The following FMNL2 variants were observed in gnomAD, a reference collection of about 807,000 sequenced individuals.
FMNL2 encodes formin-like protein 2.
FMNL2 carries 51 observed loss-of-function variants against 130.2 expected under a neutral mutation model. The observed-to-expected ratio is 0.39, with a 90% CI of 0.31 to 0.49. The LOEUF (loss-of-function observed/expected upper bound fraction) is 0.49, where lower values mean the gene tolerates loss of function less well. Ranked by LOEUF, FMNL2 falls within the 20% of genes least tolerant of loss-of-function variation. The pLI is 0.85. For synonymous variants in FMNL2, 465 were observed against 467.1 expected (o/e 1.00, Z 0.06); for missense variants, 977 against 1,316.2 (o/e 0.74, Z 3.99).
chr2:152,603,817 GTGTT>G (rs748480865), intron 9 of FMNL2, among the ~76,000 whole-genome samples: 6 of 151,018 alleles, frequency 4.0e-5, no homozygotes, highest in Non-Finnish European at 8.8e-5. Context: ...TATAGTAACT[GTGTT>G]TGTGTTGCTC....
Position 152,442,990 on chromosome 2 carries a change from G to C in FMNL2, c.118-78953G>C, listed in dbSNP as rs553948251. ...GGATCGCTCGGGCCGCAGCAGGAAT[G>C]AATGGGCATTTGTGGGTGGTTGGGC... On this transcript the variant is annotated intron_variant, in intron 1 of 25. Coordinates refer to ENST00000288670, the MANE Select transcript of FMNL2 (RefSeq NM_052905.4). Among the ~76,000 whole-genome samples the C allele has an allele frequency of 5.3e-5, 8 of 152,330 alleles. No homozygotes were observed. In the South Asian group the frequency reaches 1.0e-3, roughly 20 times the overall value.
At chr2:152,504,123 G>A (rs1344810710) in intron 1 of FMNL2, among the ~76,000 whole-genome samples, 3 of 152,196 alleles carry the variant, frequency 2.0e-5, no homozygotes, top group African/African-American at 4.8e-5. Context: ...CATGGGAGGC[G>A]GAGGTTGCAG....
chr2:152,593,238 AAAAC>A (rs369690552), intron 9 of FMNL2, among the ~76,000 whole-genome samples: 4,605 of 152,132 alleles, frequency 0.03, 114 homozygotes, highest in African/African-American at 0.068. Context: ...ACCTGTGATT[AAAAC>A]AAACAAACAA....
chr2:152,373,624 G>A (rs373603569), intron 1 of FMNL2, among the ~76,000 whole-genome samples: 1 of 151,970 alleles, frequency 6.6e-6, no homozygotes, highest in African/African-American at 2.4e-5. Flanking sequence ...AATTCCTAAC[G>A]CAATGTCTAC....
At chr2:152,558,490 C>A (rs1265649609) in intron 4 of FMNL2, among the ~76,000 whole-genome samples, 1 of 152,166 alleles carries the variant, frequency 6.6e-6, no homozygotes, top group Non-Finnish European at 1.5e-5. Flanking sequence ...ATCCTCTAAG[C>A]AGTAAAATGC....
chr2:152,467,567 T>A (rs908920036), intron 1 of FMNL2, among the ~76,000 whole-genome samples: 1 of 152,182 alleles, frequency 6.6e-6, no homozygotes, highest in Non-Finnish European at 1.5e-5. Context: ...CGCTGCATCT[T>A]TTGATGCCGT....
chr2:152,455,363 A>T (rs1325970565), intron 1 of FMNL2, among the ~76,000 whole-genome samples: 1 of 152,236 alleles, frequency 6.6e-6, no homozygotes, highest in Non-Finnish European at 1.5e-5. Context: ...GGGAAGGATG[A>T]TGTGAACGAA....
intron 1 of FMNL2, among the ~76,000 whole-genome samples, chr2:152,420,828 GA>G (rs1318725397): frequency 4.6e-5 from 7 of 152,134 alleles, no homozygotes; most frequent in African/African-American, 1.7e-4. Context: ...CCTACTGGTG[GA>G]AAAACCTTGA....
At chr2:152,645,383 A>T in intron 25 of FMNL2, 2 of 1,086,428 alleles carry the variant, frequency 1.8e-6, no homozygotes, top group Non-Finnish European at 2.5e-6. Flanking sequence ...TTCCATTTTC[A>T]TCCCATTTTT....
intron 1 of FMNL2, among the ~76,000 whole-genome samples, chr2:152,476,200 A>C (rs550408411): frequency 1.3e-5 from 2 of 152,360 alleles, no homozygotes; most frequent in East Asian, 3.9e-4. Flanking sequence ...TGGCATCAAA[A>C]TGCACCAAGA....
intron 7 of FMNL2, among the ~76,000 whole-genome samples, chr2:152,577,786 G>A (rs1490063252): frequency 2.0e-5 from 3 of 152,144 alleles, no homozygotes; most frequent in African/African-American, 7.2e-5. Context: ...TCATTGGGAT[G>A]GTGGGGGTGA....
intron 2 of FMNL2, among the ~76,000 whole-genome samples, chr2:152,527,369 G>C (rs531936627): frequency 1.3e-5 from 2 of 152,172 alleles, no homozygotes; most frequent in African/African-American, 4.8e-5. Context: ...CCATATATAC[G>C]TCCAGTTACC....
At chr2:152,564,164 T>C (rs1025915064) in intron 6 of FMNL2, among the ~76,000 whole-genome samples, 4 of 152,284 alleles carry the variant, frequency 2.6e-5, no homozygotes, top group African/African-American at 9.6e-5. Flanking sequence ...CAGGTTGTTT[T>C]TTTTTTTGAA....
chr2:152,475,804 T>C (rs1416754741), intron 1 of FMNL2, among the ~76,000 whole-genome samples: 2 of 152,172 alleles, frequency 1.3e-5, no homozygotes, highest in Admixed American at 6.5e-5. Context: ...TGGCCAAGAA[T>C]AGATTTTTAA....
chr2:152,390,451 C>A, intron 1 of FMNL2: 1 of 1,338,032 alleles, frequency 7.5e-7, no homozygotes, highest in Non-Finnish European at 1.1e-6. Context: ...ATGATTAACC[C>A]TGAGAATTCC....
intron 15 of FMNL2, chr2:152,622,603 C>G (rs1681428501): frequency 6.6e-6 from 3 of 456,426 alleles, no homozygotes; most frequent in African/African-American, 4.0e-5. Flanking sequence ...CCATGTGTTT[C>G]TGTTGGTCAC....
rs1254460565 is a variant in FMNL2, at chr2:152,452,974, T to A, written c.118-68969T>A. 2.0e-5 allele frequency among the ~76,000 whole-genome samples: 3 copies of A among 152,078 alleles called. No individual in the cohort carries two copies. In the East Asian group the frequency reaches 5.8e-4, roughly 29 times the overall value. On this transcript the variant is annotated intron_variant, in intron 1 of 25. Coordinates refer to ENST00000288670, the MANE Select transcript of FMNL2 (RefSeq NM_052905.4). ...ATCCCAGCACTTTGGGAGGCCAAGG[T>A]GGGTGGATCACGAGGTCAGGAGTTC... is the stretch of plus-strand genomic sequence containing the variant.
intron 2 of FMNL2, among the ~76,000 whole-genome samples, chr2:152,542,499 G>A (rs1051824092): frequency 6.6e-6 from 1 of 152,180 alleles, no homozygotes; most frequent in African/African-American, 2.4e-5. Flanking sequence ...ACATGTACAT[G>A]TGACCAGCAG....
chr2:152,557,496 C>T (rs1695291281), intron 4 of FMNL2, among the ~76,000 whole-genome samples: 1 of 152,134 alleles, frequency 6.6e-6, no homozygotes, highest in Non-Finnish European at 1.5e-5. Context: ...ACCTGCAGAC[C>T]TGGGCTGGGT....
Sources: allele counts gnomAD v4.1 joint callset (sites outside exome capture counted in the v4.1 genomes callset), GRCh38; gene constraint gnomAD v4.1.1; transcripts MANE v1.5; gene names NCBI Gene and HGNC (gene_info 2026-07-23, HGNC 2026-07-21).